CECR2: variants seen among roughly 807,000 people sequenced by gnomAD.
CECR2 encodes CECR2 histone acetyl-lysine reader, also known as chromatin remodeling regulator CECR2.
CECR2 carries 30 observed loss-of-function variants against 154.5 expected under a neutral mutation model. The observed-to-expected ratio is 0.19, with a 90% CI of 0.15 to 0.26. CECR2 has a LOEUF of 0.26. CECR2 is among the 10% of genes least tolerant of loss of function. CECR2 has a pLI of 1.00. For synonymous variants in CECR2, 725 were observed against 683.7 expected, an observed-to-expected ratio of 1.06 and a Z score of -0.94; for missense variants, 1,743 against 1,829.3, an observed-to-expected ratio of 0.95 and a Z score of 0.86.
Position 17,543,018 on chromosome 22 carries a change from C to A in CECR2, c.2860+15C>A. 1 of 1,581,696 alleles carries A rather than the reference C, an allele frequency of 6.3e-7. No homozygotes were observed. The highest frequency in any genetic ancestry group is 8.6e-7 in the Non-Finnish European group (1 of 1,162,606). On this transcript the variant is annotated intron_variant, in intron 16 of 18. Coordinates refer to ENST00000262608, the MANE Select transcript of CECR2 (RefSeq NM_001290047.2). ...GAATGACCAAGGTAATTTACACTGT[C>A]ACTTTGGGCTCTTTAAGCTCTTGTT...
intron 3 of CECR2, among the ~76,000 whole-genome samples, chr22:17,498,323 G>A (rs967494764): frequency 4.6e-5 from 7 of 151,962 alleles, no homozygotes; most frequent in African/African-American, 1.7e-4. Context: ...CCCGGGAGGC[G>A]GAGCTTGCAG....
At chr22:17,455,551 T>C (rs2054840008) in intron 1 of CECR2, among the ~76,000 whole-genome samples, 1 of 152,196 alleles carries the variant, frequency 6.6e-6, no homozygotes, top group Admixed American at 6.5e-5. Flanking sequence ...ATATGGCTTG[T>C]ATTAGGTATC....
At chr22:17,375,886 CG>C (rs1169025566) in intron 1 of CECR2, among the ~76,000 whole-genome samples, 1 of 150,990 alleles carries the variant, frequency 6.6e-6, no homozygotes, top group Non-Finnish European at 1.5e-5. Context: ...AGCCGGGAGA[CG>C]GAGGTTGCGG....
chr22:17,507,313 G>T (rs1222679418), intron 7 of CECR2, among the ~76,000 whole-genome samples: 4 of 152,168 alleles, frequency 2.6e-5, no homozygotes, highest in Non-Finnish European at 1.5e-5. Context: ...TTCACCATCG[G>T]TGTACTTAAG....
Position 17,516,296 on chromosome 22 carries a change from C to T in CECR2, c.954+4400C>T, listed in dbSNP as rs145780303. 9.0e-3 allele frequency among the ~76,000 whole-genome samples: 1,367 copies of T among 151,604 alleles called. 22 individuals are homozygous for T. The highest frequency in any genetic ancestry group is 0.031 in the African/African-American group (1,290 of 41,148). Reference sequence around the variant, plus strand: ...ACATTTATTATATTATATGTGTATACATTTTATATGTATATATACATATAT... The same window carrying T: ...ACATTTATTATATTATATGTGTATATATTTTATATGTATATATACATATAT... On this transcript the variant is annotated intron_variant, in intron 8 of 18. Transcript: ENST00000262608.
chr22:17,470,057 A>G (rs2055098887), intron 1 of CECR2, among the ~76,000 whole-genome samples: 1 of 152,158 alleles, frequency 6.6e-6, no homozygotes, highest in East Asian at 1.9e-4. Context: ...TCCCACTATC[A>G]CAGGTCCTAA....
intron 8 of CECR2, among the ~76,000 whole-genome samples, chr22:17,517,090 G>T (rs2056071251): frequency 2.0e-5 from 3 of 151,122 alleles, no homozygotes; most frequent in Admixed American, 2.0e-4. Flanking sequence ...TCTTGGCCAG[G>T]CTGGTCTCGA....
chr22:17,512,842 C>T (rs997902679), intron 8 of CECR2, among the ~76,000 whole-genome samples: 13 of 152,126 alleles, frequency 8.5e-5, no homozygotes, highest in African/African-American at 3.1e-4. Context: ...TCTGGCTGAT[C>T]TGTGGGGAGA....
chr22:17,464,296 C>T (rs5747182), intron 1 of CECR2, among the ~76,000 whole-genome samples: 16,212 of 152,012 alleles, frequency 0.11, 1,066 homozygotes, highest in African/African-American at 0.18. Context: ...AAAAGGTGTC[C>T]ACATAATTAA....
chr22:17,497,277 G>T, intron 2 of CECR2, 126 bp from the exon 3 acceptor site: 1 of 883,138 alleles, frequency 1.1e-6, no homozygotes. Flanking sequence ...ATGACAGAGC[G>T]AGACCCTGTC....
intron 1 of CECR2, among the ~76,000 whole-genome samples, chr22:17,378,341 G>A (rs1569041662): frequency 6.6e-6 from 1 of 150,430 alleles, no homozygotes; most frequent in East Asian, 1.9e-4. Context: ...CTGTTGTCCA[G>A]GCTGGAGTGC....
intron 1 of CECR2, among the ~76,000 whole-genome samples, chr22:17,423,665 A>G (rs1210043757): frequency 1.3e-5 from 2 of 152,122 alleles, no homozygotes; most frequent in Admixed American, 6.5e-5. Flanking sequence ...ATTGCCCCCT[A>G]TACACCATGA....
chr22:17,457,080 G>A (rs112289034), intron 1 of CECR2, among the ~76,000 whole-genome samples: 1,843 of 152,352 alleles, frequency 0.012, 29 homozygotes, highest in African/African-American at 0.041. Context: ...AGGCTGGAGT[G>A]CAGTGGCACT....
chr22:17,526,724 G>A lies in CECR2; in HGVS notation c.1108+2453G>A, dbSNP rs140758422. ...CTCAGGAGGCTGAGGCAAGAAAATC[G>A]CTTGAACCTGGGCAGCAGAGGTTGC... On this transcript the variant is annotated intron_variant, in intron 9 of 18. Coordinates refer to ENST00000262608, the MANE Select transcript of CECR2 (RefSeq NM_001290047.2). 1.6e-3 allele frequency among the ~76,000 whole-genome samples: 240 copies of A among 145,766 alleles called. 1 individual carries two copies. Among genetic ancestry groups the A allele is most frequent in the African/African-American group, 5.8e-3 (229 of 39,396 alleles).
intron 1 of CECR2, among the ~76,000 whole-genome samples, chr22:17,378,570 GCCGGC>G (rs2146461758): frequency 6.6e-6 from 1 of 152,354 alleles, no homozygotes; most frequent in Non-Finnish European, 1.5e-5. Context: ...ACAGGTGTGA[GCCGGC>G]CCACCTGGCC....
chr22:17,365,884 T>C (rs1321585437), upstream of CECR2, among the ~76,000 whole-genome samples: 4 of 151,680 alleles, frequency 2.6e-5, no homozygotes, highest in Non-Finnish European at 5.9e-5. Context: ...GGGTGGTTCA[T>C]TTCCCAGATT....
intron 1 of CECR2, among the ~76,000 whole-genome samples, chr22:17,429,430 G>A (rs963499144): frequency 7.3e-5 from 11 of 151,686 alleles, no homozygotes; most frequent in African/African-American, 2.2e-4. Context: ...GACCGGGCGC[G>A]GTGGCTCACA....
At chr22:17,459,931 A>G (rs576302170) in intron 1 of CECR2, among the ~76,000 whole-genome samples, 159 of 152,210 alleles carry the variant, frequency 1.0e-3, no homozygotes, top group Non-Finnish European at 1.9e-3. Context: ...GGCCACATGT[A>G]TTTATACCAG....
intron 2 of CECR2, among the ~76,000 whole-genome samples, chr22:17,495,916 C>T (rs565343730): frequency 4.9e-4 from 73 of 148,390 alleles, no homozygotes; most frequent in Non-Finnish European, 7.4e-4. Context: ...GTAAGACGCA[C>T]TTATAGTCCA....
Sources: gnomAD v4.1 joint callset for allele counts (sites outside exome capture counted in the v4.1 genomes callset) on GRCh38, gnomAD v4.1.1 for gene constraint, MANE v1.5 for transcripts, NCBI Gene and HGNC (gene_info 2026-07-23, HGNC 2026-07-21) for gene names.